The following LUZP1 variants were observed in gnomAD, a reference collection of about 807,000 sequenced individuals.
LUZP1 encodes leucine zipper protein 1.
Under a neutral mutation model 71.3 loss-of-function variants are expected in LUZP1, and 25 were observed. The ratio of observed to expected loss-of-function variants is 0.35; its 90% CI spans 0.26 to 0.49. The LOEUF (loss-of-function observed/expected upper bound fraction) is 0.49, where lower values mean the gene tolerates loss of function less well. Among genes scored for constraint, LUZP1 ranks in the 20% least tolerant of loss-of-function variants. The pLI, the probability that LUZP1 is intolerant of heterozygous loss-of-function variation, is 0.99. For synonymous variants in LUZP1, 481 were observed against 506.4 expected (o/e 0.95, Z 0.67); for missense variants, 1,142 against 1,300.8 (o/e 0.88, Z 1.88).
At chr1:23,174,059 A>T (rs1047814418) in intron 1 of LUZP1, among the ~76,000 whole-genome samples, 1 of 152,088 alleles carries the variant, frequency 6.6e-6, no homozygotes, top group African/African-American at 2.4e-5. Context: ...ATATATATAT[A>T]TAATTTACTT....
chr1:23,125,059 G>A (rs1165755254), intron 2 of LUZP1, among the ~76,000 whole-genome samples: 3 of 151,898 alleles, frequency 2.0e-5, no homozygotes, highest in African/African-American at 4.8e-5. Context: ...GCTGAGAGAG[G>A]GACTCAAATC....
chr1:23,089,010 A>G (rs201626227), exon 5 of LUZP1: 1 of 1,614,168 alleles, frequency 6.2e-7, no homozygotes, highest in Admixed American at 1.7e-5. Context: ...GGAGTTGTGC[A>G]GTTGCCTGTA....
chr1:23,121,581 G>A (rs139525837), intron 2 of LUZP1, among the ~76,000 whole-genome samples: 3 of 152,068 alleles, frequency 2.0e-5, no homozygotes, highest in African/African-American at 4.8e-5. Context: ...TTAGTCAGGC[G>A]TAGTGGCACA....
intron 2 of LUZP1, among the ~76,000 whole-genome samples, chr1:23,115,742 T>C (rs1644072718): frequency 6.6e-6 from 1 of 152,104 alleles, no homozygotes; most frequent in South Asian, 2.1e-4. Context: ...GGTTTCACCA[T>C]GTTGGCCAGG....
intron 2 of LUZP1, among the ~76,000 whole-genome samples, chr1:23,161,015 C>T (rs1644460362): frequency 6.6e-6 from 1 of 152,078 alleles, no homozygotes; most frequent in Non-Finnish European, 1.5e-5. Context: ...TGAGCTCAGT[C>T]TTGAGGGGTG....
chr1:23,128,234 GGGTTTATTCCAAAAT>G (rs1474914471), intron 2 of LUZP1, among the ~76,000 whole-genome samples: 1 of 151,850 alleles, frequency 6.6e-6, no homozygotes, highest in East Asian at 1.9e-4. Context: ...AAAACAAACT[GGGTTTATTCCAAAAT>G]GGAATCCATC....
At chr1:23,156,404 T>C (rs1006033819) in intron 2 of LUZP1, among the ~76,000 whole-genome samples, 8 of 152,030 alleles carry the variant, frequency 5.3e-5, no homozygotes, top group Admixed American at 2.0e-4. Context: ...AAATAAAGCA[T>C]TGGAAAGTGG....
intron 2 of LUZP1, among the ~76,000 whole-genome samples, chr1:23,119,554 G>C (rs978345792): frequency 1.3e-5 from 2 of 152,148 alleles, no homozygotes; most frequent in Non-Finnish European, 2.9e-5. Context: ...AGGATGTTGA[G>C]AGGAATCAAG....
chr1:23,088,128 A>G (rs1643793721), exon 5 of LUZP1: 1 of 152,758 alleles, frequency 6.5e-6, no homozygotes, highest in Non-Finnish European at 1.5e-5. Flanking sequence ...CGATGCCAGC[A>G]GCATTACTGG....
intron 2 of LUZP1, among the ~76,000 whole-genome samples, chr1:23,138,338 G>A (rs1450519253): frequency 6.6e-6 from 1 of 152,122 alleles, no homozygotes; most frequent in Non-Finnish European, 1.5e-5. Flanking sequence ...AGTACTGATA[G>A]ATACTACAAA....
At chr1:23,154,016 T>A (rs186719580) in intron 2 of LUZP1, among the ~76,000 whole-genome samples, 1 of 152,306 alleles carries the variant, frequency 6.6e-6, no homozygotes, top group East Asian at 1.9e-4. Flanking sequence ...GAGCTGCTGA[T>A]ACATGCAATA....
intron 2 of LUZP1, among the ~76,000 whole-genome samples, chr1:23,120,542 G>A (rs1304212049): frequency 6.6e-6 from 1 of 151,686 alleles, no homozygotes; most frequent in African/African-American, 2.4e-5. Context: ...TTTTTTTGTA[G>A]AGACAGGGTC....
intron 2 of LUZP1, among the ~76,000 whole-genome samples, chr1:23,136,879 C>T (rs1282849997): frequency 6.6e-6 from 1 of 152,186 alleles, no homozygotes; most frequent in African/African-American, 2.4e-5. Flanking sequence ...GATCGTGCCA[C>T]TGCACTCCAG....
intron 1 of LUZP1, among the ~76,000 whole-genome samples, chr1:23,173,359 T>C (rs1213044782): frequency 7.1e-6 from 1 of 140,476 alleles, no homozygotes; most frequent in African/African-American, 2.6e-5. Flanking sequence ...TCTTTTTTTT[T>C]TTTTTTTTTT....
intron 2 of LUZP1, among the ~76,000 whole-genome samples, chr1:23,164,439 C>G (rs1050029979): frequency 1.3e-5 from 2 of 151,738 alleles, no homozygotes; most frequent in Non-Finnish European, 2.9e-5. Context: ...TTGCAGTGAG[C>G]CAAGATCACA....
In LUZP1 at chr1:23,150,091, AAAG is replaced by A. The variant is rs1199452738; in HGVS notation, c.-226+18672_-226+18674del. Among the ~76,000 whole-genome samples the A allele has an allele frequency of 4.6e-5, 7 of 152,244 alleles. No homozygotes were observed. The East Asian group carries it at 7.7e-4, about 17-fold the overall frequency. On this transcript the variant is annotated intron_variant, in intron 2 of 4. Coordinates refer to ENST00000302291, the Ensembl canonical transcript of LUZP1. ...CAAGACCTCTGTATTTGTAGTCTGA[AAAG>A]AAAGACTCAATAGCGAAGGTGAAGA...
intron 1 of LUZP1, among the ~76,000 whole-genome samples, chr1:23,171,516 C>G (rs1644552747): frequency 6.6e-6 from 1 of 152,188 alleles, no homozygotes; most frequent in South Asian, 2.1e-4. Flanking sequence ...TTAAACCGCC[C>G]TTGGCATCTC....
intron 2 of LUZP1, among the ~76,000 whole-genome samples, chr1:23,139,011 A>ATATATATATAT (rs1351440457): frequency 1.0e-5 from 1 of 99,772 alleles, no homozygotes; most frequent in African/African-American, 4.8e-5. Flanking sequence ...AAAAAAAAAA[A>ATATATATATAT]AAAAAAAAAT....
rs180686101 is a variant in LUZP1 at position 23,113,904 on chromosome 1, T to G, written c.-225-4777A>C. ...AAAAAAAGAAAAAAAAAAAAGAAAA[T>G]ATGCTCAAAATGAAGGGGAAAACAG... On this transcript the variant is annotated intron_variant, in intron 2 of 4. Coordinates refer to ENST00000302291, the Ensembl canonical transcript of LUZP1. 2.7e-3 allele frequency among the ~76,000 whole-genome samples: 380 copies of G among 142,936 alleles called. 4 individuals are homozygous for G. The highest frequency in any genetic ancestry group is 9.1e-3 in the African/African-American group (350 of 38,546). The allele number at this position is 142,936 out of a possible 152,430, so 93.8% of individuals were successfully genotyped here.
Sources: gnomAD v4.1 joint callset for allele counts (sites outside exome capture counted in the v4.1 genomes callset) on GRCh38, gnomAD v4.1.1 for gene constraint, MANE v1.5 for transcripts, NCBI Gene and HGNC (gene_info 2026-07-23, HGNC 2026-07-21) for gene names.